Variants in NKAIN2 observed in about 807,000 individuals in gnomAD.
NKAIN2 encodes sodium/potassium transporting ATPase interacting 2.
In NKAIN2, 14 loss-of-function variants were observed where a neutral mutation model predicts 32.6. That is an observed-to-expected ratio of 0.43 (90% CI 0.28 to 0.67). NKAIN2 has a LOEUF of 0.67. Ranked by LOEUF, NKAIN2 falls within the 30% of genes least tolerant of loss-of-function variation. The probability of loss-of-function intolerance (pLI) is 0.17; values close to 1 mark genes in which losing one functional copy is unlikely to be tolerated. For synonymous variants in NKAIN2, 80 were observed against 87.2 expected, an observed-to-expected ratio of 0.92 and a Z score of 0.46; for missense variants, 198 against 258.3, an observed-to-expected ratio of 0.77 and a Z score of 1.60.
intron 1 of NKAIN2, among the ~76,000 whole-genome samples, chr6:124,035,026 G>C (rs988538079): frequency 6.6e-6 from 1 of 151,942 alleles, no homozygotes; most frequent in Non-Finnish European, 1.5e-5. Context: ...TAGCATGACT[G>C]GACCTCATAT....
chr6:124,538,241 A>AT lies in NKAIN2; in HGVS notation c.274-119937dup, dbSNP rs1014875912. Among the ~76,000 whole-genome samples the AT allele has an allele frequency of 6.0e-5, 9 of 150,524 alleles. No homozygotes were observed. The East Asian group carries it at 7.8e-4, about 13-fold the overall frequency. ...ATTCACCTTTTAATTTATTATTATT[A>AT]TTTTTTTTGGTAAGTATCTGTAGGG... On this transcript the variant is annotated intron_variant, in intron 3 of 6. Transcript: ENST00000368417.
At chr6:124,735,678 C>T (rs942630290) in intron 4 of NKAIN2, among the ~76,000 whole-genome samples, 1 of 151,736 alleles carries the variant, frequency 6.6e-6, no homozygotes, top group African/African-American at 2.4e-5. Flanking sequence ...GTAGTTCTCA[C>T]AATATTTCCA....
At chr6:124,081,516 G>A (rs1308649818) in intron 1 of NKAIN2, among the ~76,000 whole-genome samples, 1 of 151,938 alleles carries the variant, frequency 6.6e-6, no homozygotes, top group Non-Finnish European at 1.5e-5. Flanking sequence ...AAGTTCTTAT[G>A]TATAATGCTT....
chr6:123,927,772 C>T (rs145553174), intron 1 of NKAIN2, among the ~76,000 whole-genome samples: 1 of 152,294 alleles, frequency 6.6e-6, no homozygotes, highest in Non-Finnish European at 1.5e-5. Context: ...TTCAATGCTA[C>T]ATTCCCTTTT....
rs139958953 is a variant in NKAIN2, at chr6:124,639,489, C to T, written c.274-18697C>T. Among the ~76,000 whole-genome samples, 558 of 152,142 alleles carry T rather than the reference C, an allele frequency of 3.7e-3. 8 individuals are homozygous for T. In the East Asian group the frequency reaches 0.04, roughly 11 times the overall value. ...TCTCTGCTAAACATACAAAAATTAG[C>T]CAGGCATGGTGGCGTGTGCCTGTAG... On this transcript the variant is annotated intron_variant, in intron 3 of 6. Transcript: ENST00000368417.
intron 1 of NKAIN2, among the ~76,000 whole-genome samples, chr6:124,208,854 G>T (rs930137890): frequency 6.6e-6 from 1 of 151,264 alleles, no homozygotes; most frequent in African/African-American, 2.4e-5. Context: ...AATAGTTGTA[G>T]ATATTTATGG....
At chr6:123,910,499 GTTTTTTT>G (rs35165515) in intron 1 of NKAIN2, among the ~76,000 whole-genome samples, 7 of 81,314 alleles carry the variant, frequency 8.6e-5, no homozygotes, top group African/African-American at 2.5e-4. Flanking sequence ...TGCAATGCAT[GTTTTTTT>G]TTTTTTTTTT....
At chr6:124,262,335 T>A (rs1794292621) in intron 1 of NKAIN2, among the ~76,000 whole-genome samples, 1 of 151,986 alleles carries the variant, frequency 6.6e-6, no homozygotes. Context: ...AATTGTGACA[T>A]GGGGATGTGA....
chr6:124,000,389 C>T (rs1185225775), intron 1 of NKAIN2, among the ~76,000 whole-genome samples: 2 of 151,894 alleles, frequency 1.3e-5, no homozygotes, highest in Non-Finnish European at 2.9e-5. Flanking sequence ...ACCTTGGAAG[C>T]CACTAGCTTT....
At chr6:124,068,788 A>G (rs1783308588) in intron 1 of NKAIN2, among the ~76,000 whole-genome samples, 1 of 151,556 alleles carries the variant, frequency 6.6e-6, no homozygotes, top group South Asian at 2.1e-4. Context: ...CACCGTAACT[A>G]CACCATATGT....
At chr6:123,910,009 G>A (rs556760288) in intron 1 of NKAIN2, among the ~76,000 whole-genome samples, 29 of 152,000 alleles carry the variant, frequency 1.9e-4, no homozygotes, top group African/African-American at 5.5e-4. Flanking sequence ...AAATGTAACC[G>A]TAACAGTGGT....
intron 3 of NKAIN2, among the ~76,000 whole-genome samples, chr6:124,416,248 A>C (rs548030164): frequency 6.6e-6 from 1 of 152,310 alleles, no homozygotes; most frequent in Admixed American, 6.5e-5. Context: ...ACTGGGTAAC[A>C]ATAACAGTTT....
intron 2 of NKAIN2, among the ~76,000 whole-genome samples, chr6:124,309,034 A>G (rs1796617585): frequency 6.6e-6 from 1 of 152,158 alleles, no homozygotes. Context: ...ACAGGCATCC[A>G]TTCTATTTTA....
chr6:123,853,583 AG>A (rs1775438657), intron 1 of NKAIN2, among the ~76,000 whole-genome samples: 1 of 152,184 alleles, frequency 6.6e-6, no homozygotes, highest in East Asian at 1.9e-4. Context: ...TAAGAAAAAA[AG>A]AAATACAAGT....
intron 1 of NKAIN2, among the ~76,000 whole-genome samples, chr6:124,279,783 C>T (rs953524113): frequency 3.3e-5 from 5 of 151,666 alleles, no homozygotes; most frequent in Non-Finnish European, 5.9e-5. Flanking sequence ...GGATATTGAT[C>T]GAATACTCAA....
chr6:124,237,650 G>A lies in NKAIN2; in HGVS notation c.55-45355G>A, dbSNP rs114649728. Among the ~76,000 whole-genome samples, 101 of 152,224 alleles carry A rather than the reference G, an allele frequency of 6.6e-4. 1 individual carries two copies. Among genetic ancestry groups the A allele is most frequent in the African/African-American group, 2.4e-3 (98 of 41,558 alleles). ...TTCCAGTGAAGTATAGCATTCACAA[G>A]GTAGTAAGAATATTCTTCCTCAGAA... On this transcript the variant is annotated intron_variant, in intron 1 of 6. Coordinates refer to ENST00000368417, the MANE Select transcript of NKAIN2 (RefSeq NM_001040214.3).
At chr6:124,419,566 G>T (rs1245839911) in intron 3 of NKAIN2, among the ~76,000 whole-genome samples, 1 of 152,164 alleles carries the variant, frequency 6.6e-6, no homozygotes, top group Non-Finnish European at 1.5e-5. Context: ...TACAGTGTGT[G>T]TGAGGATATT....
chr6:124,024,898 A>G (rs1338082951), intron 1 of NKAIN2, among the ~76,000 whole-genome samples: 1 of 151,944 alleles, frequency 6.6e-6, no homozygotes, highest in Non-Finnish European at 1.5e-5. Context: ...TAGGCAGGAG[A>G]ATCGCTTGAA....
chr6:124,321,253 G>T (rs985727336), intron 2 of NKAIN2, among the ~76,000 whole-genome samples: 6 of 151,904 alleles, frequency 3.9e-5, no homozygotes, highest in Non-Finnish European at 5.9e-5. Context: ...TCATACAGCT[G>T]CCTTGCTACT....
Sources: allele counts gnomAD v4.1 joint callset (sites outside exome capture counted in the v4.1 genomes callset), GRCh38; gene constraint gnomAD v4.1.1; transcripts MANE v1.5; gene names NCBI Gene and HGNC (gene_info 2026-07-23, HGNC 2026-07-21).